The following ADCY2 variants were observed in gnomAD, a reference collection of about 807,000 sequenced individuals.
ADCY2 encodes adenylate cyclase 2.
Under a neutral mutation model 125.2 loss-of-function variants are expected in ADCY2, and 31 were observed. That is an observed-to-expected ratio of 0.25 (90% CI 0.19 to 0.33). The LOEUF is 0.33. Among genes scored for constraint, ADCY2 ranks in the 10% least tolerant of loss-of-function variants. ADCY2 has a pLI of 1.00. For synonymous variants in ADCY2, 512 were observed against 548.4 expected (o/e 0.93, Z 0.93); for missense variants, 904 against 1,418.2 (o/e 0.64, Z 5.82).
At chr5:7,596,655 C>G (rs1737015142) in intron 3 of ADCY2, among the ~76,000 whole-genome samples, 1 of 152,090 alleles carries the variant, frequency 6.6e-6, no homozygotes, top group Non-Finnish European at 1.5e-5. Context: ...GGAGTTAAAC[C>G]CGTTAAGTGA....
intron 14 of ADCY2, among the ~76,000 whole-genome samples, chr5:7,741,883 AT>A (rs1202576632): frequency 6.6e-6 from 1 of 150,534 alleles, no homozygotes; most frequent in Non-Finnish European, 1.5e-5. Flanking sequence ...CACCATCACT[AT>A]CCCTGTCACC....
intron 3 of ADCY2, among the ~76,000 whole-genome samples, chr5:7,540,622 A>G (rs1276439034): frequency 6.6e-6 from 1 of 152,170 alleles, no homozygotes; most frequent in Non-Finnish European, 1.5e-5. Context: ...ACTGTTAAAT[A>G]TTTCCCCAAA....
At chr5:7,594,498 G>A (rs1736943900) in intron 3 of ADCY2, among the ~76,000 whole-genome samples, 1 of 152,168 alleles carries the variant, frequency 6.6e-6, no homozygotes. Flanking sequence ...ACAATAAACA[G>A]TATTTTGCTG....
At chr5:7,596,090 G>A (rs1047623285) in intron 3 of ADCY2, among the ~76,000 whole-genome samples, 16 of 151,864 alleles carry the variant, frequency 1.1e-4, no homozygotes, top group Non-Finnish European at 2.4e-4. Context: ...ATATACTGAG[G>A]AATTTATTTA....
At chr5:7,658,399 T>TTGTGTGTG (rs369870574) in intron 4 of ADCY2, among the ~76,000 whole-genome samples, 5,837 of 130,566 alleles carry the variant, frequency 0.045, 141 homozygotes, top group African/African-American at 0.054. Context: ...GTGAAGAGAA[T>TTGTGTGTG]TGTGTGTGTG....
At chr5:7,603,069 C>A (rs1200864939) in intron 3 of ADCY2, among the ~76,000 whole-genome samples, 1 of 152,100 alleles carries the variant, frequency 6.6e-6, no homozygotes, top group Non-Finnish European at 1.5e-5. Flanking sequence ...ACATTCAAGG[C>A]AAGCAGAATA....
At chr5:7,644,143 G>C (rs926727842) in intron 4 of ADCY2, among the ~76,000 whole-genome samples, 6 of 151,864 alleles carry the variant, frequency 4.0e-5, no homozygotes, top group African/African-American at 1.4e-4. Context: ...TAAATTTCTT[G>C]AAAAAGTAGT....
At chr5:7,479,629 T>TA (rs373438347) in intron 2 of ADCY2, among the ~76,000 whole-genome samples, 49 of 99,582 alleles carry the variant, frequency 4.9e-4, no homozygotes, top group African/African-American at 2.0e-3. Flanking sequence ...AATGTACAAT[T>TA]AAAATTTTTT....
chr5:7,511,863 C>G (rs1744074758), intron 2 of ADCY2, among the ~76,000 whole-genome samples: 1 of 151,886 alleles, frequency 6.6e-6, no homozygotes, highest in South Asian at 2.1e-4. Flanking sequence ...AGCACCAGGA[C>G]TAGATCATGA....
chr5:7,676,683 G>C (rs1305528662), intron 4 of ADCY2, among the ~76,000 whole-genome samples: 2 of 152,186 alleles, frequency 1.3e-5, no homozygotes, highest in African/African-American at 2.4e-5. Context: ...GTTAATTTGA[G>C]GTAGAAGCCA....
chr5:7,621,839 C>G (rs1197296485), intron 3 of ADCY2, among the ~76,000 whole-genome samples: 2 of 152,156 alleles, frequency 1.3e-5, no homozygotes, highest in East Asian at 3.9e-4. Flanking sequence ...TGGGGTGCAG[C>G]ATGGACAGCA....
intron 2 of ADCY2, among the ~76,000 whole-genome samples, chr5:7,508,084 CAT>C (rs1491311898): frequency 6.6e-6 from 1 of 151,952 alleles, no homozygotes; most frequent in African/African-American, 2.4e-5. Flanking sequence ...AAGACTTTAT[CAT>C]ACAATTCAAA....
chr5:7,695,876 G>A lies in ADCY2; in HGVS notation c.981+13G>A, dbSNP rs1443827794. On this transcript the variant is annotated intron_variant, in intron 6 of 24. Transcript: ENST00000338316. ...TCAAATTGCAAAGGTGAGTATTATGGATTCTTTTCTTCTCTGAAGATTTCT... is the reference window on the plus strand; with the variant it reads ...TCAAATTGCAAAGGTGAGTATTATGAATTCTTTTCTTCTCTGAAGATTTCT... 6.4e-7 allele frequency: 1 copy of A among 1,558,594 alleles called. No individual in the cohort carries two copies. Among genetic ancestry groups the A allele is most frequent in the Non-Finnish European group, 8.8e-7 (1 of 1,136,086 alleles).
At chr5:7,726,969 A>C (rs1349801711) in intron 13 of ADCY2, among the ~76,000 whole-genome samples, 195 bp from the exon 14 acceptor site, 2 of 152,066 alleles carry the variant, frequency 1.3e-5, no homozygotes, top group Non-Finnish European at 2.9e-5. Flanking sequence ...CTTGGAAGTC[A>C]CTCCTTCACA....
At position 7,403,117 on chromosome 5, in the gene ADCY2, G is replaced by T. The variant is rs147441358; in HGVS notation, c.210+6611G>T. Among the ~76,000 whole-genome samples the T allele has an allele frequency of 5.7e-3, 872 of 151,738 alleles. 5 individuals are homozygous for T. Among genetic ancestry groups the T allele is most frequent in the African/African-American group, 0.018 (724 of 41,368 alleles). On this transcript the variant is annotated intron_variant, in intron 1 of 24. Transcript: ENST00000338316. Reference sequence around the variant, plus strand: ...TACTCCCAACACTGAATTATTTTTTGTGTGTGTATATGTGCGTGTGTGTGT... The same window carrying T: ...TACTCCCAACACTGAATTATTTTTTTTGTGTGTATATGTGCGTGTGTGTGT...
chr5:7,700,858 A>G (rs1489597466), intron 7 of ADCY2, among the ~76,000 whole-genome samples: 3 of 151,856 alleles, frequency 2.0e-5, no homozygotes, highest in Non-Finnish European at 4.4e-5. Flanking sequence ...ATGGGAGGGA[A>G]ATGAAGTCAA....
rs146991752 is a variant in ADCY2, at chr5:7,723,662, C to A, written c.1704-883C>A. Among the ~76,000 whole-genome samples, 450 of 152,150 alleles carry A rather than the reference C, an allele frequency of 3.0e-3. 6 individuals are homozygous for A. In the East Asian group the frequency reaches 0.032, roughly 11 times the overall value. The stretch of plus-strand genomic sequence containing the variant: ...CTCGGGACAGGCGCGGTGGCTCACG[C>A]CTGTTATCCCAGCACTTTGGGAGAC... On this transcript the variant is annotated intron_variant, in intron 12 of 24. Coordinates refer to ENST00000338316, the MANE Select transcript of ADCY2 (RefSeq NM_020546.3).
chr5:7,447,017 T>C (rs1394265486), intron 2 of ADCY2, among the ~76,000 whole-genome samples: 1 of 152,158 alleles, frequency 6.6e-6, no homozygotes, highest in Non-Finnish European at 1.5e-5. Flanking sequence ...AGGATGCTGC[T>C]TGTTTTGTTA....
chr5:7,727,787 G>A (rs987785436), intron 14 of ADCY2, among the ~76,000 whole-genome samples: 1 of 152,048 alleles, frequency 6.6e-6, no homozygotes, highest in African/African-American at 2.4e-5. Flanking sequence ...TCTCCCCGGA[G>A]AGACGTGGGT....
Sources: allele counts gnomAD v4.1 joint callset (sites outside exome capture counted in the v4.1 genomes callset), GRCh38; gene constraint gnomAD v4.1.1; transcripts MANE v1.5; gene names NCBI Gene and HGNC (gene_info 2026-07-23, HGNC 2026-07-21).